ZNF850: variants seen among roughly 807,000 people sequenced by gnomAD.
ZNF850 encodes the protein zinc finger protein 850.
In ZNF850, 2 loss-of-function variants were observed where a neutral mutation model predicts 11.9. The ratio of observed to expected loss-of-function variants is 0.17; its 90% CI spans 0.07 to 0.53. The LOEUF (loss-of-function observed/expected upper bound fraction) is 0.53. Among genes scored for constraint, ZNF850 ranks in the 20% least tolerant of loss-of-function variants. ZNF850 has a pLI of 0.94. For missense variants in ZNF850, 1,014 were observed against 1,316.4 expected, an observed-to-expected ratio of 0.77 and a Z score of 3.55; for synonymous variants, 381 against 443.0, an observed-to-expected ratio of 0.86 and a Z score of 1.76.
intron 1 of ZNF850, among the ~76,000 whole-genome samples, chr19:36,765,741 C>G (rs2040545561): frequency 6.6e-6 from 1 of 151,700 alleles, no homozygotes; most frequent in Non-Finnish European, 1.5e-5. Context: ...TGTGCCACCA[C>G]GCCTGGCTAA....
Position 36,748,209 on chromosome 19 carries a change from T to C in ZNF850, c.2831A>G (p.His944Arg). ...GGGTTTCTCGCCAGTGTGAATACTGTGATGTTTGGTGAGTCCTGAGAAACG... is the reference window on the plus strand; with the variant it reads ...GGGTTTCTCGCCAGTGTGAATACTGCGATGTTTGGTGAGTCCTGAGAAACG... ...FVRFSGLTKHHSIHTGEKPYE... is the reference protein window; with the variant it reads ...FVRFSGLTKHRSIHTGEKPYE... Residue 944 changes from histidine (H) to arginine (R), a missense_variant, in exon 5 of 5, where the codon CAC (histidine) becomes CGC (arginine). Around this residue, in one of 2 missense-constraint regions of ZNF850, gnomAD observed 179 missense variants for 294.4 expected, o/e 0.61. Transcript: ENST00000591344. 1 of 1,553,236 alleles carries C rather than the reference T, an allele frequency of 6.4e-7. No individual in the cohort carries two copies. Among genetic ancestry groups the C allele is most frequent in the Non-Finnish European group, 8.7e-7 (1 of 1,152,264 alleles).
intron 4 of ZNF850, among the ~76,000 whole-genome samples, chr19:36,752,247 C>A (rs1219732007): frequency 1.3e-5 from 2 of 152,146 alleles, no homozygotes; most frequent in African/African-American, 4.8e-5. Context: ...AATACCATTT[C>A]TTACTACACA....
In ZNF850 at chr19:36,748,477, T is replaced by A; in HGVS notation, c.2563A>T (p.Thr855Ser). Residue 855 changes from threonine (T) to serine (S), a missense_variant, in exon 5 of 5, where the codon ACA (threonine) becomes TCA (serine). Thr to Ser is a moderately conservative substitution (Grantham distance 58). Around this residue, in one of 2 missense-constraint regions of ZNF850, gnomAD observed 835 missense variants for 1,022.0 expected, o/e 0.82. Transcript: ENST00000591344. ...TGAATTCGCTGATGTTCAATTAGTG[T>A]TGAGCGAGAAGTAAAAGATTTCCCA... is the stretch of plus-strand genomic sequence containing the variant. ...ECGKSFTSRSTLIEHQRIHTG... is the reference protein window; with the variant it reads ...ECGKSFTSRSSLIEHQRIHTG... 1 of 1,544,056 alleles carries A rather than the reference T, an allele frequency of 6.5e-7. No homozygotes were observed. Among genetic ancestry groups the A allele is most frequent in the Non-Finnish European group, 8.7e-7 (1 of 1,149,678 alleles).
chr19:36,749,413 T>C lies in ZNF850; in HGVS notation c.1627A>G (p.Thr543Ala). 1 of 1,547,826 alleles carries C rather than the reference T, an allele frequency of 6.5e-7. No individual in the cohort carries two copies. Residue 543 changes from threonine to alanine, a missense_variant, in exon 5 of 5, where the codon ACT becomes GCT. Coordinates refer to ENST00000591344, the MANE Select transcript of ZNF850 (RefSeq NM_001193552.2). ...YHCKECGKSF[T>A]FRSGLIGHQA... ...TGTCCAATTAGCCCTGAGCGAAAAG[T>C]AAAAGATTTTCCACATTCCTTACAA...
chr19:36,755,184 A>G (rs937262332), intron 4 of ZNF850, among the ~76,000 whole-genome samples: 1 of 152,226 alleles, frequency 6.6e-6, no homozygotes, highest in African/African-American at 2.4e-5. Flanking sequence ...CAAAACATTT[A>G]CAAAAGCTTA....
rs947943252 is a variant in ZNF850 at position 36,745,314 on chromosome 19, G to A, written c.*2453C>T. The A allele has an allele frequency of 7.9e-5, 12 of 152,076 alleles. No homozygotes were observed. Among genetic ancestry groups the A allele is most frequent in the East Asian group, 5.8e-4 (3 of 5,200 alleles). 9.4% of individuals were successfully genotyped at this position (152,076 alleles called of 1,614,324 possible). Reference sequence around the variant, plus strand: ...TAAATAGAATGAAATACAACAATCCGAAGTGCATAGACGATGAGGTAAGAT... The same window carrying A: ...TAAATAGAATGAAATACAACAATCCAAAGTGCATAGACGATGAGGTAAGAT... On this transcript the variant is annotated 3_prime_UTR_variant, in exon 5 of 5. Coordinates refer to ENST00000591344, the MANE Select transcript of ZNF850 (RefSeq NM_001193552.2).
intron 4 of ZNF850, among the ~76,000 whole-genome samples, chr19:36,752,091 C>T (rs1009138205): frequency 6.6e-6 from 1 of 152,014 alleles, no homozygotes; most frequent in Admixed American, 6.6e-5. Flanking sequence ...ATCATTGAAA[C>T]TTAAAATTCA....
At chr19:36,760,288 A>C (rs942475877) in intron 4 of ZNF850, among the ~76,000 whole-genome samples, 1 of 152,078 alleles carries the variant, frequency 6.6e-6, no homozygotes, top group Non-Finnish European at 1.5e-5. Flanking sequence ...TCTACTAAAA[A>C]TACAAAAAAT....
intron 4 of ZNF850, among the ~76,000 whole-genome samples, chr19:36,757,131 T>G (rs2040491230): frequency 6.6e-6 from 1 of 152,182 alleles, no homozygotes; most frequent in African/African-American, 2.4e-5. Flanking sequence ...GCAATGAATA[T>G]TCCCATGCTA....
rs1203597224 is a variant in ZNF850, at chr19:36,750,600, G to A, written c.440C>T (p.Thr147Ile). ...TGTCTGTAGGCAGAAAGTTGGTGTTGTTTCATAAGTCATTATTGCTTTTTC... is the reference window on the plus strand; with the variant it reads ...TGTCTGTAGGCAGAAAGTTGGTGTTATTTCATAAGTCATTATTGCTTTTTC... ...YLEKAIMTYE[T>I]TPTFCLQTSL... The change falls in exon 5 of 5, where the codon ACA becomes ATA. Residue 147 changes from threonine (T) to isoleucine (I), a missense_variant. Thr to Ile is a moderately conservative substitution (Grantham distance 89). Transcript: ENST00000591344. 6.5e-7 allele frequency: 1 copy of A among 1,536,010 alleles called. No individual in the cohort carries two copies. The highest frequency in any genetic ancestry group is 2.0e-5 in the Admixed American group (1 of 50,958).
intron 1 of ZNF850, among the ~76,000 whole-genome samples, chr19:36,769,086 C>A (rs1336315295): frequency 8.6e-5 from 13 of 151,192 alleles, no homozygotes; most frequent in Non-Finnish European, 1.5e-4. Flanking sequence ...CATGGTGAAA[C>A]CCTGTCTCTA....
chr19:36,768,232 G>A lies in ZNF850; in HGVS notation c.-70+4493C>T, dbSNP rs1480209049. Reference sequence around the variant, plus strand: ...AAAAAAAAAAAAACTATAATATAGAGTAAATGACATTCAGGTAAGTGGAAT... The same window carrying A: ...AAAAAAAAAAAAACTATAATATAGAATAAATGACATTCAGGTAAGTGGAAT... On this transcript the variant is annotated intron_variant, in intron 1 of 4. Transcript: ENST00000591344. Among the ~76,000 whole-genome samples, 4 of 151,442 alleles carry A rather than the reference G, an allele frequency of 2.6e-5. No individual in the cohort carries two copies. The East Asian group carries it at 5.8e-4, about 22-fold the overall frequency.
chr19:36,759,483 AAAG>A (rs534262472), intron 4 of ZNF850, among the ~76,000 whole-genome samples: 43 of 152,276 alleles, frequency 2.8e-4, no homozygotes, highest in Admixed American at 1.1e-3. Flanking sequence ...AAAAACAAAA[AAAG>A]AAGAAGCAAC....
At chr19:36,767,091 G>A (rs373469753) in intron 1 of ZNF850, among the ~76,000 whole-genome samples, 1 of 152,040 alleles carries the variant, frequency 6.6e-6, no homozygotes, top group East Asian at 1.9e-4. Flanking sequence ...ACAAAAAGTA[G>A]CCAGGCGTGG....
At position 36,745,211 on chromosome 19, in the gene ZNF850, C is replaced by G. The variant is rs2040404626; in HGVS notation, c.*2556G>C. On this transcript the variant is annotated 3_prime_UTR_variant, in exon 5 of 5. Transcript: ENST00000591344. ...TGTGTGTGTGTGTATATAAATCATC[C>G]ATAAGCATATTAGTAAAAGTACAAA... The G allele has an allele frequency of 1.3e-5, 2 of 151,716 alleles. No homozygotes were observed. The highest frequency in any genetic ancestry group is 4.8e-5 in the African/African-American group (2 of 41,268). 9.4% of individuals were successfully genotyped at this position (151,716 alleles called of 1,614,324 possible).
chr19:36,753,433 A>AAAAAG (rs77669446), intron 4 of ZNF850, among the ~76,000 whole-genome samples: 1 of 146,154 alleles, frequency 6.8e-6, no homozygotes, highest in Non-Finnish European at 1.5e-5. Context: ...AAAAAAAAAA[A>AAAAAG]AAAAAAAAAA....
intron 4 of ZNF850, among the ~76,000 whole-genome samples, chr19:36,756,321 T>C (rs1440592963): frequency 6.6e-6 from 1 of 152,236 alleles, no homozygotes. Flanking sequence ...TGTTTACTTC[T>C]ATTTGGAACA....
At chr19:36,769,548 C>T (rs1259492087) in intron 1 of ZNF850, among the ~76,000 whole-genome samples, 1 of 149,548 alleles carries the variant, frequency 6.7e-6, no homozygotes, top group Non-Finnish European at 1.5e-5. Context: ...TGCAATGAGC[C>T]GAGATCGTGC....
intron 1 of ZNF850, among the ~76,000 whole-genome samples, chr19:36,765,145 T>C (rs1336663983): frequency 6.6e-6 from 1 of 152,218 alleles, no homozygotes; most frequent in Non-Finnish European, 1.5e-5. Flanking sequence ...ATGTCTGCCC[T>C]TGCTCTAGCT....
Sources: gnomAD v4.1 joint callset for allele counts (sites outside exome capture counted in the v4.1 genomes callset) on GRCh38, gnomAD v4.1.1 for gene constraint, gnomAD v4.1.1 regional missense constraint, MANE v1.5 for transcripts, NCBI Gene and HGNC (gene_info 2026-07-23, HGNC 2026-07-21) for gene names.